Variants in KDM7A observed in about 807,000 individuals in gnomAD.
KDM7A encodes the protein lysine demethylase 7A, also known as lysine-specific demethylase 7A.
In KDM7A, 28 loss-of-function variants were observed where a neutral mutation model predicts 114.8. The ratio of observed to expected loss-of-function variants is 0.24; its 90% CI spans 0.18 to 0.33. The LOEUF is 0.33. KDM7A is among the 10% of genes least tolerant of loss of function. The pLI is 1.00. For synonymous variants in KDM7A, 423 were observed against 397.8 expected (o/e 1.06, Z -0.75); for missense variants, 942 against 1,142.5 (o/e 0.82, Z 2.53).
chr7:140,147,347 T>A (rs972513607), intron 1 of KDM7A, among the ~76,000 whole-genome samples: 1 of 152,234 alleles, frequency 6.6e-6, no homozygotes, highest in Non-Finnish European at 1.5e-5. Context: ...CAAAATTTTT[T>A]AAAATTCTAT....
rs1209688134 is a variant in KDM7A at position 140,087,290 on chromosome 7, TA to T, written c.*3803del. ...CTTTCCTAATTCTTCAAGAAAAACC[TA>T]AAGCCATCTTTCAGTTAAATCATCT... On this transcript the variant is annotated 3_prime_UTR_variant, in exon 20 of 20. Transcript: ENST00000397560. The T allele has an allele frequency of 3.9e-5, 6 of 152,226 alleles. No homozygotes were observed. Among genetic ancestry groups the T allele is most frequent in the African/African-American group, 1.4e-4 (6 of 41,454 alleles). The allele number at this position is 152,226 out of a possible 1,614,324, so 9.4% of individuals were successfully genotyped here.
In KDM7A at chr7:140,096,733, T is replaced by C. The variant is rs372876606; in HGVS notation, c.2196A>G (p.Glu732=). 1.5e-5 allele frequency: 24 copies of C among 1,614,216 alleles called. No homozygotes were observed. In the African/African-American group the frequency reaches 2.8e-4, roughly 19 times the overall value. Reference sequence around the variant, plus strand: ...TAGACAGCATGCCCTGAATAGCTTCTTCCTCTGTGCTCGTCGAGGTAGGAC... The same window carrying C: ...TAGACAGCATGCCCTGAATAGCTTCCTCCTCTGTGCTCGTCGAGGTAGGAC... ...RECPTSTSTE[E]EAIQGMLSMA... The change falls in exon 17 of 20, where the codon GAA becomes GAG. Residue 732 remains glutamate (E), a synonymous_variant. Coordinates refer to ENST00000397560, the MANE Select transcript of KDM7A (RefSeq NM_030647.2).
Position 140,094,114 on chromosome 7 carries a change from G to C in KDM7A, c.2399C>G (p.Pro800Arg). The C allele has an allele frequency of 6.3e-7, 1 of 1,599,908 alleles. No individual in the cohort carries two copies. Among genetic ancestry groups the C allele is most frequent in the African/African-American group, 1.3e-5 (1 of 74,788 alleles). The change falls in exon 18 of 20, where the codon CCA becomes CGA. Residue 800 changes from proline (P) to arginine (R), a missense_variant. Physicochemically the swap from Pro to Arg is moderately radical, Grantham distance 103. Coordinates refer to ENST00000397560, the MANE Select transcript of KDM7A (RefSeq NM_030647.2). ...AATCCAGGAGGAAGTCCTCAAGTCT[G>C]GATCTTCAGTCTTGACATGGTATCC... is the stretch of plus-strand genomic sequence containing the variant. ...ECGYHVKTED[P>R]DLRTSSWIKQ...
intron 1 of KDM7A, among the ~76,000 whole-genome samples, chr7:140,162,921 A>C (rs1172496362): frequency 3.3e-5 from 5 of 152,158 alleles, no homozygotes; most frequent in Non-Finnish European, 5.9e-5. Context: ...ATATCTGTAC[A>C]TGCTGATATG....
chr7:140,099,446 C>A lies in KDM7A; in HGVS notation c.1764-413G>T, dbSNP rs112072887. ...TCCTGGTCTCAAGAGATCCTCCCAC[C>A]TCAGACTCCCAAATCAACTTGGGAT... On this transcript the variant is annotated intron_variant, in intron 13 of 19. Transcript: ENST00000397560. Among the ~76,000 whole-genome samples the A allele has an allele frequency of 4.9e-4, 74 of 152,324 alleles. 1 individual carries two copies. Among genetic ancestry groups the A allele is most frequent in the African/African-American group, 1.8e-3 (73 of 41,576 alleles).
chr7:140,096,835 A>G, intron 16 of KDM7A, 64 bp downstream of exon 16: 1 of 1,584,924 alleles, frequency 6.3e-7, no homozygotes, highest in South Asian at 1.1e-5. Flanking sequence ...ATTTAAAACT[A>G]AAAAAAGTGT....
At chr7:140,117,018 A>G (rs1052894537) in intron 9 of KDM7A, among the ~76,000 whole-genome samples, 7 of 152,212 alleles carry the variant, frequency 4.6e-5, no homozygotes, top group African/African-American at 1.7e-4. Flanking sequence ...GGATAAAAGA[A>G]CGACATAATT....
chr7:140,110,140 C>CATTT (rs35932467), intron 11 of KDM7A, among the ~76,000 whole-genome samples: 95,312 of 151,464 alleles, frequency 0.63, 30,996 homozygotes, highest in African/African-American at 0.81. Flanking sequence ...CTGACACTCC[C>CATTT]ATTTAACTAC....
intron 1 of KDM7A, among the ~76,000 whole-genome samples, chr7:140,147,360 G>T (rs918322194): frequency 6.6e-6 from 1 of 152,054 alleles, no homozygotes; most frequent in South Asian, 2.1e-4. Flanking sequence ...AATTCTATTC[G>T]GTTTGAATTT....
intron 18 of KDM7A, 124 bp from the exon 19 acceptor site, chr7:140,092,201 A>G (rs1818031123): frequency 2.2e-6 from 2 of 897,890 alleles, no homozygotes; most frequent in Non-Finnish European, 3.4e-6. Context: ...TTTTCTTAAC[A>G]TCTATTAGCC....
In KDM7A at chr7:140,126,822, T is replaced by G. The variant is rs1357294175; in HGVS notation, c.703A>C (p.Met235Leu). Reference protein sequence around the residue: ...VISLEFSDTKMSELVEVPDIA... With the variant: ...VISLEFSDTKLSELVEVPDIA... ...TCAGGGACCTCCACCAATTCAGACA[T>G]CCTTTCAAAAAACAAACATACACAC... The change falls in exon 6 of 20, where the codon ATG becomes CTG. Residue 235 changes from methionine (M) to leucine (L), a missense_variant and splice_region_variant. Around this residue, in one of 4 missense-constraint regions of KDM7A, gnomAD observed 318 missense variants for 453.1 expected, o/e 0.70. Transcript: ENST00000397560. The G allele has an allele frequency of 6.2e-7, 1 of 1,609,440 alleles. No homozygotes were observed. Among genetic ancestry groups the G allele is most frequent in the Admixed American group, 1.7e-5 (1 of 58,954 alleles).
intron 2 of KDM7A, among the ~76,000 whole-genome samples, chr7:140,137,784 A>G (rs1475292489): frequency 6.6e-6 from 1 of 152,248 alleles, no homozygotes; most frequent in African/African-American, 2.4e-5. Flanking sequence ...TTTCTAACAA[A>G]ACAAATGAGC....
At chr7:140,130,476 C>T (rs567799259) in intron 3 of KDM7A, among the ~76,000 whole-genome samples, 6 of 151,748 alleles carry the variant, frequency 4.0e-5, no homozygotes, top group Non-Finnish European at 8.8e-5. Flanking sequence ...CAAAAATTAG[C>T]TGGGTGTGGT....
At position 140,176,817 on chromosome 7, in the gene KDM7A, C is replaced by A. The variant is rs1794716768; in HGVS notation, c.121G>T (p.Val41Leu). Residue 41 changes from valine (V) to leucine (L), a missense_variant, in exon 1 of 20, where the codon GTG (valine) becomes TTG (leucine). Transcript: ENST00000397560. The surrounding 1 kb of genome is among the most constrained non-coding windows in gnomAD (Gnocchi z 4.4). ...APPPPPPVYC[V>L]CRQPYDVNRF... ...TTCACGTCGTACGGCTGCCGGCACA[C>A]ACAGTACACGGGCGGGGGCGGCGGA... 1 of 1,407,658 alleles carries A rather than the reference C, an allele frequency of 7.1e-7. No homozygotes were observed. Among genetic ancestry groups the A allele is most frequent in the Non-Finnish European group, 9.4e-7 (1 of 1,058,632 alleles). 87.2% of individuals were successfully genotyped at this position (1,407,658 alleles called of 1,614,324 possible). A position where few individuals can be genotyped will look rare whatever the true frequency, so the allele number is the denominator to read the frequency against.
Position 140,133,662 on chromosome 7 carries a change from T to C in KDM7A, c.281-6A>G, listed in dbSNP as rs748784580. 6.6e-7 allele frequency: 1 copy of C among 1,508,534 alleles called. No individual in the cohort carries two copies. Among genetic ancestry groups the C allele is most frequent in the Non-Finnish European group, 9.2e-7 (1 of 1,092,066 alleles). The allele number at this position is 1,508,534 out of a possible 1,614,324, so 93.4% of individuals were successfully genotyped here. ...CCAGTTCCTCCTTTTTTTCACTGGATTTTTAAAAGATTAAAAAAAAATGAT... is the reference window on the plus strand; with the variant it reads ...CCAGTTCCTCCTTTTTTTCACTGGACTTTTAAAAGATTAAAAAAAAATGAT... On this transcript the variant is annotated splice_region_variant and splice_polypyrimidine_tract_variant and intron_variant, in intron 2 of 19. Coordinates refer to ENST00000397560, the MANE Select transcript of KDM7A (RefSeq NM_030647.2).
At chr7:140,129,776 C>T (rs774453996) in intron 3 of KDM7A, 123 bp from the exon 4 acceptor site, 213 of 611,502 alleles carry the variant, frequency 3.5e-4, no homozygotes, top group Middle Eastern at 2.2e-3. Context: ...TAACCTATCA[C>T]TTCTCATTCT....
chr7:140,112,861 G>A (rs1339924286), intron 10 of KDM7A, among the ~76,000 whole-genome samples: 3 of 152,228 alleles, frequency 2.0e-5, no homozygotes, highest in African/African-American at 7.2e-5. Context: ...AATTCCAAAT[G>A]GAGATCTGGA....
intron 5 of KDM7A, among the ~76,000 whole-genome samples, chr7:140,127,122 A>C (rs1349116395): frequency 6.6e-6 from 1 of 152,096 alleles, no homozygotes; most frequent in African/African-American, 2.4e-5. Flanking sequence ...CACCATGCCC[A>C]GCTGATTTTT....
chr7:140,114,240 G>A lies in KDM7A; in HGVS notation c.1247-658C>T, dbSNP rs572363220. On this transcript the variant is annotated intron_variant, in intron 9 of 19. Transcript: ENST00000397560. ...CAAGCGGAAGCTGGACTGTACTGCC[G>A]CCATCTCGGCTCACTGCAACCTCCC... 1.6e-3 allele frequency among the ~76,000 whole-genome samples: 245 copies of A among 151,952 alleles called. 1 individual carries two copies. Among genetic ancestry groups the A allele is most frequent in the African/African-American group, 5.6e-3 (232 of 41,428 alleles).
Sources: allele counts gnomAD v4.1 joint callset (sites outside exome capture counted in the v4.1 genomes callset), GRCh38; gene constraint gnomAD v4.1.1; regional missense constraint gnomAD v4.1.1; non-coding constraint Gnocchi (gnomAD v3.1); transcripts MANE v1.5; gene names NCBI Gene and HGNC (gene_info 2026-07-23, HGNC 2026-07-21).